Variants in WDR86 observed in about 807,000 individuals in gnomAD.
The protein encoded by WDR86 is WD repeat-containing protein 86.
WDR86 carries 30 observed loss-of-function variants against 36.5 expected under a neutral mutation model. The ratio of observed to expected loss-of-function variants is 0.82; its 90% confidence interval spans 0.61 to 1.11. WDR86 has a LOEUF of 1.11. Ranked by LOEUF, WDR86 falls within the 50% of genes most tolerant of loss-of-function variation. WDR86 has a pLI of 0.00. For missense variants in WDR86, 545 were observed against 561.2 expected, an observed-to-expected ratio of 0.97 and a Z score of 0.29; for synonymous variants, 255 against 252.9, an observed-to-expected ratio of 1.01 and a Z score of -0.08.
At chr7:151,407,701 C>T (rs1289908571) in intron 1 of WDR86, among the ~76,000 whole-genome samples, 3 of 152,006 alleles carry the variant, frequency 2.0e-5, no homozygotes, top group African/African-American at 4.8e-5. Flanking sequence ...ATTAGCTGGG[C>T]GTGGTGGCGA....
In WDR86 at chr7:151,395,953, G is replaced by A. The variant is rs775576170; in HGVS notation, c.549C>T (p.Gly183=). Residue 183 remains glycine (G), a synonymous_variant, in exon 3 of 6, where the codon GGC becomes GGT. Coordinates refer to ENST00000334493, the MANE Select transcript of WDR86 (RefSeq NM_198285.3). ...GGCCCCGCAGCGTCTGGTGGCAGCA[G>A]CCGCTGGCCACCTGCCACACCTTGG... ...GTAKVWQVAS[G]CCHQTLRGHT... The A allele has an allele frequency of 1.3e-5, 21 of 1,585,900 alleles. No homozygotes were observed. The highest frequency in any genetic ancestry group is 1.8e-5 in the Non-Finnish European group (21 of 1,170,160).
At chr7:151,376,808 G>A (rs374673411), downstream of WDR86, 16 of 1,580,596 alleles carry the variant, frequency 1.0e-5, no homozygotes, top group African/African-American at 9.4e-5. Flanking sequence ...TTCTGACTCC[G>A]CAGGTAGGTC....
chr7:151,374,731 T>TAG (rs1798128393), downstream of WDR86: 1 of 172,998 alleles, frequency 5.8e-6, no homozygotes, highest in Non-Finnish European at 1.3e-5. Flanking sequence ...AGCAGTGACT[T>TAG]TACCTGGGCC....
At position 151,390,320 on chromosome 7, in the gene WDR86, G is replaced by T. The variant is rs891824838; in HGVS notation, c.727-5097C>A. 6.6e-6 allele frequency among the ~76,000 whole-genome samples: 1 copy of T among 152,086 alleles called. No individual in the cohort carries two copies. Among genetic ancestry groups the T allele is most frequent in the Non-Finnish European group, 1.5e-5 (1 of 68,006 alleles). ...CCACATCAGGACCCCATCTGGCCAC[G>T]CCAGGGGCAGCCATCGTGTGTCCCC... On this transcript the variant is annotated intron_variant, in intron 3 of 5. Coordinates refer to ENST00000334493, the MANE Select transcript of WDR86 (RefSeq NM_198285.3). The surrounding 1 kb of genome is among the most constrained non-coding windows in gnomAD (Gnocchi z 4.5).
At chr7:151,389,292 G>T (rs184082123) in intron 3 of WDR86, among the ~76,000 whole-genome samples, 6 of 152,092 alleles carry the variant, frequency 3.9e-5, no homozygotes, top group Non-Finnish European at 8.8e-5. Flanking sequence ...GAGCAGCAAT[G>T]GACCAGGACT....
rs142152103 is a variant in WDR86 at position 151,390,268 on chromosome 7, C to T, written c.727-5045G>A. On this transcript the variant is annotated intron_variant, in intron 3 of 5. Transcript: ENST00000334493. The surrounding 1 kb of genome is among the most constrained non-coding windows in gnomAD (Gnocchi z 4.5). ...ACAGAGCTCTCCCCGTGAAAACAGA[C>T]CAAGCCCAGAGCTCACTGCACACCC... Among the ~76,000 whole-genome samples the T allele has an allele frequency of 9.7e-3, 1,470 of 152,246 alleles. 24 individuals are homozygous for T. The highest frequency in any genetic ancestry group is 0.034 in the African/African-American group (1,409 of 41,542).
In WDR86 at chr7:151,396,051, G is replaced by C. The variant is rs1799802725; in HGVS notation, c.451C>G (p.Leu151Val). 1 of 1,611,736 alleles carries C rather than the reference G, an allele frequency of 6.2e-7. No homozygotes were observed. The change falls in exon 3 of 6, where the codon CTC becomes GTC. Residue 151 changes from leucine to valine, a missense_variant. Coordinates refer to ENST00000334493, the MANE Select transcript of WDR86 (RefSeq NM_198285.3). Reference sequence around the variant, plus strand: ...TCCTCCGCGCAGGGAGTGCTGGGGAGGTCCCACGGGGCAGAGTAGGCTAGG... The same window carrying C: ...TCCTCCGCGCAGGGAGTGCTGGGGACGTCCCACGGGGCAGAGTAGGCTAGG... ...LTLAYSAPWDLPSTPCAEEAA... is the reference protein window; with the variant it reads ...LTLAYSAPWDVPSTPCAEEAA...
intron 1 of WDR86, among the ~76,000 whole-genome samples, chr7:151,408,201 T>TTTC (rs1554427360): frequency 6.9e-6 from 1 of 144,730 alleles, no homozygotes; most frequent in African/African-American, 2.6e-5. Context: ...TTTCTTTTCT[T>TTTC]TTTTTTTTTT....
At chr7:151,385,359 C>G (rs1798898688) in intron 3 of WDR86, 136 bp from the exon 4 acceptor site, 1 of 1,436,464 alleles carries the variant, frequency 7.0e-7, no homozygotes. Flanking sequence ...GGCCCCGCCA[C>G]CGGCCCCACC....
In WDR86 at chr7:151,409,866, C is replaced by G; in HGVS notation, c.-277G>C. 1 of 1,189,106 alleles carries G rather than the reference C, an allele frequency of 8.4e-7. No individual in the cohort carries two copies. Among genetic ancestry groups the G allele is most frequent in the Non-Finnish European group, 1.0e-6 (1 of 960,890 alleles). The allele number at this position is 1,189,106 out of a possible 1,614,324, so 73.7% of individuals were successfully genotyped here. ...TGGGCGCGCGGGCAGAGAGAACCCC[C>G]TTCCCAGCACCGCTCGGAGGATCCA... is the stretch of plus-strand genomic sequence containing the variant. On this transcript the variant is annotated 5_prime_UTR_variant, in exon 1 of 6. Transcript: ENST00000334493. This position sits in a 1 kb window ranked among gnomAD's most constrained non-coding sequence, Gnocchi z 5.2.
intron 3 of WDR86, among the ~76,000 whole-genome samples, chr7:151,395,215 A>G (rs748435538): frequency 7.9e-5 from 12 of 152,172 alleles, no homozygotes; most frequent in Non-Finnish European, 1.3e-4. Context: ...GTTCACCCTG[A>G]CAGCACAAAG....
chr7:151,381,602 C>T lies in WDR86; in HGVS notation c.1111G>A (p.Ala371Thr). The change falls in exon 6 of 6, where the codon GCG (alanine) becomes ACG (threonine). Residue 371 changes from alanine (A) to threonine (T), a missense_variant. By Grantham distance (58) the Ala-to-Thr change is moderately conservative. Coordinates refer to ENST00000334493, the MANE Select transcript of WDR86 (RefSeq NM_198285.3). This position sits in a 1 kb window ranked among gnomAD's most constrained non-coding sequence, Gnocchi z 4.8. ...LFSNKVGCAA[A>T]PLQPA ...CGGGATCAGGCCGGCTGCAGGGGCG[C>T]GGCGGCGCAGCCCACCTTGTTGCTG... 7.3e-7 allele frequency: 1 copy of T among 1,371,864 alleles called. No homozygotes were observed. The highest frequency in any genetic ancestry group is 9.3e-7 in the Non-Finnish European group (1 of 1,072,812). The allele number at this position is 1,371,864 out of a possible 1,614,324, so 85.0% of individuals were successfully genotyped here.
At chr7:151,372,580 G>C (rs1381278984), downstream of WDR86, among the ~76,000 whole-genome samples, 1 of 152,210 alleles carries the variant, frequency 6.6e-6, no homozygotes, top group African/African-American at 2.4e-5. Context: ...AAGTGCAAAT[G>C]TGAGTGGTAT....
chr7:151,409,295 C>A lies in WDR86; in HGVS notation c.163+132G>T. ...CAGATGCTGGGCCCAGACAAGCGCT[C>A]TTCCGCTAGTGTGCCGGGATGAGCG... On this transcript the variant is annotated intron_variant, in intron 1 of 5. Transcript: ENST00000334493. This position sits in a 1 kb window ranked among gnomAD's most constrained non-coding sequence, Gnocchi z 5.2. The A allele has an allele frequency of 7.1e-7, 1 of 1,409,522 alleles. No homozygotes were observed. The highest frequency in any genetic ancestry group is 9.7e-7 in the Non-Finnish European group (1 of 1,032,566). The allele number at this position is 1,409,522 out of a possible 1,614,324, so 87.3% of individuals were successfully genotyped here. A position where few individuals can be genotyped will look rare whatever the true frequency, so the allele number is the denominator to read the frequency against.
intron 2 of WDR86, among the ~76,000 whole-genome samples, chr7:151,399,305 G>T (rs1016320145): frequency 6.6e-6 from 1 of 152,138 alleles, no homozygotes; most frequent in Non-Finnish European, 1.5e-5. Flanking sequence ...CCACTGACTG[G>T]GGGTTCCTGT....
At chr7:151,402,224 G>A (rs1365088395) in intron 1 of WDR86, among the ~76,000 whole-genome samples, 1 of 151,364 alleles carries the variant, frequency 6.6e-6, no homozygotes, top group Non-Finnish European at 1.5e-5. Context: ...GGCTGGAAGA[G>A]GCCAGGAACC....
At chr7:151,392,101 G>T (rs1171632266) in intron 3 of WDR86, among the ~76,000 whole-genome samples, 1 of 152,186 alleles carries the variant, frequency 6.6e-6, no homozygotes. Flanking sequence ...GCAAGGTGCT[G>T]CCCAGCTGAG....
At chr7:151,373,749 A>G (rs1358841633), downstream of WDR86, among the ~76,000 whole-genome samples, 2 of 152,208 alleles carry the variant, frequency 1.3e-5, no homozygotes, top group Non-Finnish European at 2.9e-5. Context: ...CCTAGAAGAG[A>G]ATCCATGCAC....
At chr7:151,402,726 G>T (rs541139265) in intron 1 of WDR86, among the ~76,000 whole-genome samples, 1 of 152,328 alleles carries the variant, frequency 6.6e-6, no homozygotes, top group East Asian at 1.9e-4. Flanking sequence ...ATGCCAGGGT[G>T]TCTGGGGTCT....
Sources: gnomAD v4.1 joint callset for allele counts (sites outside exome capture counted in the v4.1 genomes callset) on GRCh38, gnomAD v4.1.1 for gene constraint, Gnocchi (gnomAD v3.1) non-coding constraint, MANE v1.5 for transcripts, NCBI Gene and HGNC (gene_info 2026-07-23, HGNC 2026-07-21) for gene names.